ZYX: variants seen among roughly 807,000 people sequenced by gnomAD.
The protein encoded by ZYX is zyxin-2.
ZYX carries 37 observed loss-of-function variants against 58.1 expected under a neutral mutation model. The ratio of observed to expected loss-of-function variants is 0.64; its 90% CI spans 0.49 to 0.84. The LOEUF (loss-of-function observed/expected upper bound fraction) is 0.84. Among genes scored for constraint, ZYX ranks in the 40% least tolerant of loss-of-function variants. The probability of loss-of-function intolerance (pLI) is 0.00; values close to 1 mark genes in which losing one functional copy is unlikely to be tolerated. For missense variants in ZYX, 762 were observed against 761.6 expected (o/e 1.00, Z -0.01); for synonymous variants, 324 against 321.1 (o/e 1.01, Z -0.10).
At position 143,390,665 on chromosome 7, in the gene ZYX, G is replaced by T. The variant is rs1328929285; in HGVS notation, c.1702G>T (p.Ala568Ser). 1 of 1,582,566 alleles carries T rather than the reference G, an allele frequency of 6.3e-7. No homozygotes were observed. The highest frequency in any genetic ancestry group is 1.2e-5 in the South Asian group (1 of 86,316). ...GHVLCRKCHT[A>S]RAQT ...CGTGCTCTGTCGGAAGTGCCACACTGCTAGAGCCCAGACCTGAGTGAGGAC... is the reference window on the plus strand; with the variant it reads ...CGTGCTCTGTCGGAAGTGCCACACTTCTAGAGCCCAGACCTGAGTGAGGAC... The change falls in exon 10 of 10, where the codon GCT (alanine) becomes TCT (serine). Residue 568 changes from alanine (A) to serine (S), a missense_variant. Physicochemically the swap from Ala to Ser is moderately conservative, Grantham distance 99. Transcript: ENST00000322764. This position sits in a 1 kb window ranked among gnomAD's most constrained non-coding sequence, Gnocchi z 4.3.
At position 143,389,061 on chromosome 7, in the gene ZYX, T is replaced by C; in HGVS notation, c.1493+116T>C. The C allele has an allele frequency of 4.1e-6, 5 of 1,234,196 alleles. No homozygotes were observed. The highest frequency in any genetic ancestry group is 1.5e-5 in the South Asian group (1 of 68,770). The allele number at this position is 1,234,196 out of a possible 1,614,324, so 76.5% of individuals were successfully genotyped here. A position where few individuals can be genotyped will look rare whatever the true frequency, so the allele number is the denominator to read the frequency against. On this transcript the variant is annotated intron_variant, in intron 8 of 9. Coordinates refer to ENST00000322764, the MANE Select transcript of ZYX (RefSeq NM_003461.5). The surrounding 1 kb of genome is among the most constrained non-coding windows in gnomAD (Gnocchi z 5.6). ...CCCCTGGTGGTGTTTTCTGGTCCCA[T>C]GTCCTGTCTGTAAACAGCAGGGACC...
At position 143,390,567 on chromosome 7, in the gene ZYX, C is replaced by G. The variant is rs1401384761; in HGVS notation, c.1615-11C>G. On this transcript the variant is annotated splice_polypyrimidine_tract_variant and intron_variant, in intron 9 of 9. Coordinates refer to ENST00000322764, the MANE Select transcript of ZYX (RefSeq NM_003461.5). The surrounding 1 kb of genome is among the most constrained non-coding windows in gnomAD (Gnocchi z 4.3). ...TCCGGTCCAGTGCCCCTCACCCTTCCTTCTTCCCAGGACTGCGGGAAGCCC... is the reference window on the plus strand; with the variant it reads ...TCCGGTCCAGTGCCCCTCACCCTTCGTTCTTCCCAGGACTGCGGGAAGCCC... The G allele has an allele frequency of 1.3e-6, 2 of 1,555,922 alleles. No homozygotes were observed. The highest frequency in any genetic ancestry group is 8.7e-7 in the Non-Finnish European group (1 of 1,148,516).
rs1437490100 is a variant in ZYX at position 143,383,238 on chromosome 7, C to T, written c.939C>T (p.Ser313=). The T allele has an allele frequency of 3.1e-6, 5 of 1,614,040 alleles. No individual in the cohort carries two copies. Among genetic ancestry groups the T allele is most frequent in the Non-Finnish European group, 8.5e-7 (1 of 1,180,048 alleles). Reference sequence around the variant, plus strand: ...GCACAGGCTCCCCTCAACCTCCCAGCTTCACCTATGCCCAGCAGAGGGAGA... The same window carrying T: ...GCACAGGCTCCCCTCAACCTCCCAGTTTCACCTATGCCCAGCAGAGGGAGA... The part of the protein sequence containing the change: ...SAGTGSPQPP[S]FTYAQQREKP... The change falls in exon 5 of 10, where the codon AGC becomes AGT. Residue 313 remains serine, a synonymous_variant. Transcript: ENST00000322764.
In ZYX at chr7:143,381,356, G is replaced by T. The variant is rs1804558728; in HGVS notation, c.-69G>T. On this transcript the variant is annotated 5_prime_UTR_variant, in exon 1 of 10. Coordinates refer to ENST00000322764, the MANE Select transcript of ZYX (RefSeq NM_003461.5). ...CTCCGGACCGGGACGCAGAGTCTGC[G>T]GACCCGGCGCCGAGGCGGCCACCCG... 1 of 1,153,012 alleles carries T rather than the reference G, an allele frequency of 8.7e-7. No individual in the cohort carries two copies. The allele number at this position is 1,153,012 out of a possible 1,614,324, so 71.4% of individuals were successfully genotyped here.
Position 143,390,519 on chromosome 7 carries a change from A to G in ZYX, c.1615-59A>G. Reference sequence around the variant, plus strand: ...AAGATGGAGCTGGATGGGGTGGGGTAGGGTGGAGCAGAGCAGGGGCCTTCC... The same window carrying G: ...AAGATGGAGCTGGATGGGGTGGGGTGGGGTGGAGCAGAGCAGGGGCCTTCC... On this transcript the variant is annotated intron_variant, in intron 9 of 9. Coordinates refer to ENST00000322764, the MANE Select transcript of ZYX (RefSeq NM_003461.5). The surrounding 1 kb of genome is among the most constrained non-coding windows in gnomAD (Gnocchi z 4.3). 3.2e-6 allele frequency: 4 copies of G among 1,242,844 alleles called. No homozygotes were observed. Among genetic ancestry groups the G allele is most frequent in the East Asian group, 5.1e-5 (2 of 39,414 alleles). 77.0% of individuals were successfully genotyped at this position (1,242,844 alleles called of 1,614,324 possible).
In ZYX at chr7:143,384,296, G is replaced by A; in HGVS notation, c.1023+974G>A. The stretch of plus-strand genomic sequence containing the variant: ...GAGTCAACTCGGGGAGTCAAATTAG[G>A]AAAGGCTTCGAAGGATGGGCAGGAC... On this transcript the variant is annotated intron_variant, in intron 5 of 9. Coordinates refer to ENST00000322764, the MANE Select transcript of ZYX (RefSeq NM_003461.5). The surrounding 1 kb of genome is among the most constrained non-coding windows in gnomAD (Gnocchi z 4.9). 1 of 470,660 alleles carries A rather than the reference G, an allele frequency of 2.1e-6. No individual in the cohort carries two copies. Among genetic ancestry groups the A allele is most frequent in the Non-Finnish European group, 4.4e-6 (1 of 226,660 alleles). The allele number at this position is 470,660 out of a possible 1,614,324, so 29.2% of individuals were successfully genotyped here.
chr7:143,390,964 C>A lies in ZYX; in HGVS notation c.*282C>A. 1 of 453,986 alleles carries A rather than the reference C, an allele frequency of 2.2e-6. No individual in the cohort carries two copies. Among genetic ancestry groups the A allele is most frequent in the Non-Finnish European group, 4.0e-6 (1 of 248,502 alleles). The allele number at this position is 453,986 out of a possible 1,614,324, so 28.1% of individuals were successfully genotyped here. A position where few individuals can be genotyped will look rare whatever the true frequency, so the allele number is the denominator to read the frequency against. On this transcript the variant is annotated 3_prime_UTR_variant, in exon 10 of 10. Transcript: ENST00000322764. The surrounding 1 kb of genome is among the most constrained non-coding windows in gnomAD (Gnocchi z 4.3). Reference sequence around the variant, plus strand: ...AGGTTTAGTGCTGCTGCTTTCACTGCTGCACCCGCGCCCTCGGCCGGCCCC... The same window carrying A: ...AGGTTTAGTGCTGCTGCTTTCACTGATGCACCCGCGCCCTCGGCCGGCCCC...
At chr7:143,383,856 C>A (rs893605765) in intron 5 of ZYX, among the ~76,000 whole-genome samples, 4 of 152,198 alleles carry the variant, frequency 2.6e-5, no homozygotes, top group African/African-American at 9.6e-5. Context: ...GCTCAGCCTT[C>A]AGGTGTCAGA....
chr7:143,388,701 G>T lies in ZYX; in HGVS notation c.1314+43G>T, dbSNP rs781027905. On this transcript the variant is annotated intron_variant, in intron 7 of 9. Coordinates refer to ENST00000322764, the MANE Select transcript of ZYX (RefSeq NM_003461.5). This position sits in a 1 kb window ranked among gnomAD's most constrained non-coding sequence, Gnocchi z 7.5. ...GGGCTGTGCTGGGCTGTGCTGGGCA[G>T]TCGGGCCCTGGAAGCTTGCTGTGGG... 1.9e-6 allele frequency: 3 copies of T among 1,610,974 alleles called. No homozygotes were observed. The highest frequency in any genetic ancestry group is 1.7e-5 in the Admixed American group (1 of 59,836).
Position 143,381,544 on chromosome 7 carries a change from C to T in ZYX, c.-15-13C>T. ...CCCGGCTCCGCGCTGCGTAACCCGGCGACCCACCCCAGCAGCCCGGCCCGG... is the reference window on the plus strand; with the variant it reads ...CCCGGCTCCGCGCTGCGTAACCCGGTGACCCACCCCAGCAGCCCGGCCCGG... On this transcript the variant is annotated splice_polypyrimidine_tract_variant and intron_variant, in intron 1 of 9. Transcript: ENST00000322764. 3 of 1,599,498 alleles carry T rather than the reference C, an allele frequency of 1.9e-6. No homozygotes were observed. Among genetic ancestry groups the T allele is most frequent in the South Asian group, 1.1e-5 (1 of 89,676 alleles).
At position 143,388,856 on chromosome 7, in the gene ZYX, C is replaced by T; in HGVS notation, c.1404C>T (p.Phe468=). ...GCAAGGCCTATCACCCGCACTGCTTCACCTGTGTGGTCTGCGCCCGCCCCC... is the reference window on the plus strand; with the variant it reads ...GCAAGGCCTATCACCCGCACTGCTTTACCTGTGTGGTCTGCGCCCGCCCCC... ...ATGKAYHPHC[F]TCVVCARPLE... The change falls in exon 8 of 10, where the codon TTC becomes TTT. Residue 468 remains phenylalanine (F), a synonymous_variant. Transcript: ENST00000322764. The surrounding 1 kb of genome is among the most constrained non-coding windows in gnomAD (Gnocchi z 7.5). The T allele has an allele frequency of 2.5e-6, 4 of 1,614,082 alleles. No homozygotes were observed. Among genetic ancestry groups the T allele is most frequent in the Non-Finnish European group, 3.4e-6 (4 of 1,179,990 alleles).
intron 5 of ZYX, among the ~76,000 whole-genome samples, chr7:143,383,781 G>A (rs970817917): frequency 7.2e-5 from 11 of 152,190 alleles, no homozygotes; most frequent in East Asian, 5.8e-4. Context: ...CATCCACCAC[G>A]TGCCAGGCAC....
Position 143,381,631 on chromosome 7 carries a change from C to A in ZYX, c.60C>A (p.Tyr20Ter), listed in dbSNP as rs762988726. ...ISVSVSAPAFYAPQKKFGPVV... is the reference protein window; with the variant it reads ...ISVSVSAPAF The stretch of plus-strand genomic sequence containing the variant: ...TTTCGGTCTCGGCTCCGGCTTTTTA[C>A]GCCCCGCAGAAGAAGTTCGGCCCTG... The change falls in exon 2 of 10, where the codon TAC (tyrosine) becomes TAA (stop). Residue 20 changes from tyrosine (Y) to a stop codon, truncating the protein, a stop_gained. Transcript: ENST00000322764. LOFTEE classifies it high-confidence loss of function. The A allele has an allele frequency of 2.5e-6, 4 of 1,612,348 alleles. No individual in the cohort carries two copies. The highest frequency in any genetic ancestry group is 3.4e-6 in the Non-Finnish European group (4 of 1,179,634).
rs532988572 is a variant in ZYX at position 143,390,597 on chromosome 7, C to T, written c.1634C>T (p.Ser545Leu). The stretch of plus-strand genomic sequence containing the variant: ...TCCCAGGACTGCGGGAAGCCCCTGT[C>T]GATTGAGGCAGATGACAATGGCTGC... ...YKCEDCGKPL[S>L]IEADDNGCFP... is the part of the protein sequence containing the mutation. The change falls in exon 10 of 10, where the codon TCG becomes TTG. Residue 545 changes from serine (S) to leucine (L), a missense_variant. Coordinates refer to ENST00000322764, the MANE Select transcript of ZYX (RefSeq NM_003461.5). This position sits in a 1 kb window ranked among gnomAD's most constrained non-coding sequence, Gnocchi z 4.3. 55 of 1,574,542 alleles carry T rather than the reference C, an allele frequency of 3.5e-5. No individual in the cohort carries two copies. Among genetic ancestry groups the T allele is most frequent in the Non-Finnish European group, 4.7e-5 (54 of 1,159,408 alleles).
In ZYX at chr7:143,382,410, A is replaced by G. The variant is rs201793399; in HGVS notation, c.371A>G (p.Glu124Gly). ...TCCCCGCCGCCTCCTCCGGAGGAGG[A>G]GGGAGGGCCTGAGGCCCCCATACCG... ...FPSPPPPPEE[E>G]GGPEAPIPPP... The change falls in exon 3 of 10, where the codon GAG becomes GGG. Residue 124 changes from glutamate (E) to glycine (G), a missense_variant. Transcript: ENST00000322764. 1 of 1,580,352 alleles carries G rather than the reference A, an allele frequency of 6.3e-7. No individual in the cohort carries two copies. Among genetic ancestry groups the G allele is most frequent in the Admixed American group, 1.9e-5 (1 of 52,302 alleles).
In ZYX at chr7:143,388,112, C is replaced by T. The variant is rs1318919075; in HGVS notation, c.1024-107C>T. 3 of 1,364,958 alleles carry T rather than the reference C, an allele frequency of 2.2e-6. No homozygotes were observed. The highest frequency in any genetic ancestry group is 3.0e-6 in the Non-Finnish European group (3 of 1,011,300). 84.6% of individuals were successfully genotyped at this position (1,364,958 alleles called of 1,614,324 possible). A position where few individuals can be genotyped will look rare whatever the true frequency, so the allele number is the denominator to read the frequency against. On this transcript the variant is annotated intron_variant, in intron 5 of 9. Transcript: ENST00000322764. The surrounding 1 kb of genome is among the most constrained non-coding windows in gnomAD (Gnocchi z 7.5). Reference sequence around the variant, plus strand: ...AAGGGTCAAGCCTGAGCATCTGGGACACGAGCTGGGAGCTAAGCCTCATCG... The same window carrying T: ...AAGGGTCAAGCCTGAGCATCTGGGATACGAGCTGGGAGCTAAGCCTCATCG...
intron 1 of ZYX, 53 bp downstream of exon 1, chr7:143,381,462 C>T (rs1804568639): frequency 7.7e-7 from 1 of 1,304,186 alleles, no homozygotes; most frequent in Non-Finnish European, 9.8e-7. Flanking sequence ...CGCGGGGCGC[C>T]GGGAGGGGGC....
chr7:143,383,447 G>A, intron 5 of ZYX, 125 bp downstream of exon 5: 1 of 1,187,060 alleles, frequency 8.4e-7, no homozygotes, highest in Non-Finnish European at 1.1e-6. Flanking sequence ...GGGGTGGCGG[G>A]ATAGGAATTT....
rs180894951 is a variant in ZYX at position 143,386,312 on chromosome 7, T to G, written c.1024-1907T>G. ...TACCAGACAGCAAGGACAGAGTGGT[T>G]GCAGCGTGGATAGGAAGGACGATGA... On this transcript the variant is annotated intron_variant, in intron 5 of 9. Transcript: ENST00000322764. Among the ~76,000 whole-genome samples the G allele has an allele frequency of 6.8e-4, 103 of 151,956 alleles. 1 individual carries two copies. Among genetic ancestry groups the G allele is most frequent in the African/African-American group, 2.2e-3 (90 of 41,410 alleles).
Sources: allele counts gnomAD v4.1 joint callset (sites outside exome capture counted in the v4.1 genomes callset), GRCh38; gene constraint gnomAD v4.1.1; non-coding constraint Gnocchi (gnomAD v3.1); transcripts MANE v1.5; gene names NCBI Gene and HGNC (gene_info 2026-07-23, HGNC 2026-07-21).